Variants in KIAA1328 observed in about 807,000 individuals in gnomAD.
The protein encoded by KIAA1328 is KIAA1328, also known as protein hinderin.
A neutral mutation model predicts 68.1 loss-of-function variants in KIAA1328; 52 were observed. That is an observed-to-expected ratio of 0.76 (90% CI 0.61 to 0.96). The LOEUF (loss-of-function observed/expected upper bound fraction) is 0.96. Among genes scored for constraint, KIAA1328 ranks in the 40% least tolerant of loss-of-function variants. The probability of loss-of-function intolerance (pLI) is 0.00; values close to 1 mark genes in which losing one functional copy is unlikely to be tolerated. For synonymous variants in KIAA1328, 232 were observed against 239.4 expected, an observed-to-expected ratio of 0.97 and a Z score of 0.28; for missense variants, 641 against 677.6, an observed-to-expected ratio of 0.95 and a Z score of 0.60.
intron 6 of KIAA1328, among the ~76,000 whole-genome samples, chr18:36,969,181 A>G (rs1424409626): frequency 3.3e-5 from 5 of 152,226 alleles, no homozygotes; most frequent in Non-Finnish European, 4.4e-5. Context: ...CCACATAAAA[A>G]GTTAGAAAGA....
At chr18:36,872,293 T>A (rs2047973266) in intron 4 of KIAA1328, among the ~76,000 whole-genome samples, 1 of 151,982 alleles carries the variant, frequency 6.6e-6, no homozygotes, top group Non-Finnish European at 1.5e-5. Flanking sequence ...ATGAGTCTGA[T>A]TAGCACAGGC....
chr18:37,157,737 G>T (rs2059183295), intron 7 of KIAA1328, among the ~76,000 whole-genome samples: 1 of 150,556 alleles, frequency 6.6e-6, no homozygotes. Context: ...TGACCTGGAA[G>T]GTGGAGGTTG....
At chr18:36,997,532 G>A (rs2053437344) in intron 6 of KIAA1328, among the ~76,000 whole-genome samples, 1 of 152,252 alleles carries the variant, frequency 6.6e-6, no homozygotes, top group African/African-American at 2.4e-5. Flanking sequence ...AGTAAACCAT[G>A]GGTTGGGACT....
intron 7 of KIAA1328, among the ~76,000 whole-genome samples, chr18:37,097,977 A>T (rs1476931901): frequency 1.3e-5 from 2 of 152,114 alleles, no homozygotes; most frequent in Non-Finnish European, 2.9e-5. Flanking sequence ...TTTTGGGCTG[A>T]GACAGTGGGG....
chr18:36,985,058 T>A lies in KIAA1328; in HGVS notation c.576+25623T>A, dbSNP rs374696984. Among the ~76,000 whole-genome samples the A allele has an allele frequency of 8.5e-5, 13 of 152,146 alleles. No homozygotes were observed. In the East Asian group the frequency reaches 1.9e-3, roughly 23 times the overall value. On this transcript the variant is annotated intron_variant, in intron 6 of 9. Transcript: ENST00000280020. ...TGGCTCACACCTAAAATTCAAGCAT[T>A]TGGGAGGCCAAGGCAGGAGGATTAC... is the stretch of plus-strand genomic sequence containing the variant.
chr18:36,955,912 G>A (rs947039079), intron 5 of KIAA1328: 2 of 152,278 alleles, frequency 1.3e-5, no homozygotes, highest in African/African-American at 4.8e-5. Flanking sequence ...AAGTGGTGGG[G>A]GTGAACTCTG....
chr18:37,043,394 T>G (rs371620395), intron 6 of KIAA1328, among the ~76,000 whole-genome samples: 6 of 152,212 alleles, frequency 3.9e-5, no homozygotes, highest in African/African-American at 1.4e-4. Context: ...TGATTCTTTC[T>G]CTCGAAAGTT....
intron 7 of KIAA1328, among the ~76,000 whole-genome samples, chr18:37,092,184 C>T (rs141668628): frequency 1.4e-3 from 209 of 152,094 alleles, no homozygotes; most frequent in African/African-American, 4.8e-3. Context: ...TCTTTAGGGG[C>T]CCGGGGATTA....
At chr18:37,139,914 A>G (rs911176329) in intron 7 of KIAA1328, among the ~76,000 whole-genome samples, 1 of 152,160 alleles carries the variant, frequency 6.6e-6, no homozygotes, top group Non-Finnish European at 1.5e-5. Flanking sequence ...AGCTCATTTT[A>G]CTGAGCCATT....
chr18:36,943,991 G>T (rs2050803215), intron 5 of KIAA1328, among the ~76,000 whole-genome samples: 1 of 152,100 alleles, frequency 6.6e-6, no homozygotes, highest in South Asian at 2.1e-4. Context: ...AACAGTAGTA[G>T]GACGATAAAC....
chr18:37,217,649 G>A (rs1453806443), intron 9 of KIAA1328, among the ~76,000 whole-genome samples: 2 of 151,998 alleles, frequency 1.3e-5, no homozygotes, highest in Non-Finnish European at 2.9e-5. Flanking sequence ...ATGTGTCTTG[G>A]GGTTGCTCTT....
intron 6 of KIAA1328, among the ~76,000 whole-genome samples, chr18:36,984,904 C>CAAAAA: frequency 1.2e-5 from 1 of 80,706 alleles, no homozygotes; most frequent in Non-Finnish European, 2.4e-5. Context: ...GACTCCATCT[C>CAAAAA]AAAAAAAAAA....
At chr18:36,941,644 A>T (rs1352365707) in intron 5 of KIAA1328, among the ~76,000 whole-genome samples, 1 of 152,216 alleles carries the variant, frequency 6.6e-6, no homozygotes, top group Non-Finnish European at 1.5e-5. Flanking sequence ...TAAATGAGAT[A>T]GAAAAAGTCA....
intron 4 of KIAA1328, among the ~76,000 whole-genome samples, chr18:36,884,799 A>T (rs964193125): frequency 2.6e-5 from 4 of 152,198 alleles, no homozygotes; most frequent in Admixed American, 6.5e-5. Flanking sequence ...TTGTCCCAAT[A>T]TATACTTCAG....
At chr18:36,916,462 T>G (rs2151091009) in intron 5 of KIAA1328, among the ~76,000 whole-genome samples, 1 of 152,214 alleles carries the variant, frequency 6.6e-6, no homozygotes, top group South Asian at 2.1e-4. Flanking sequence ...TCTGTTCAGA[T>G]TTTCTTCATC....
intron 6 of KIAA1328, among the ~76,000 whole-genome samples, chr18:37,001,361 A>G (rs2053580357): frequency 6.6e-6 from 1 of 152,130 alleles, no homozygotes; most frequent in African/African-American, 2.4e-5. Context: ...AATGTTGAGC[A>G]AGATTGAGTC....
intron 5 of KIAA1328, among the ~76,000 whole-genome samples, chr18:36,940,418 G>T (rs932768042): frequency 5.3e-5 from 8 of 152,124 alleles, no homozygotes; most frequent in Admixed American, 4.6e-4. Context: ...ATGGCAGGTT[G>T]ATTATATAGA....
chr18:36,887,127 T>G (rs1210836642), intron 5 of KIAA1328, among the ~76,000 whole-genome samples: 1 of 151,750 alleles, frequency 6.6e-6, no homozygotes, highest in Non-Finnish European at 1.5e-5. Context: ...TTTTTTTTTT[T>G]TGGCCCACTT....
At chr18:37,121,666 C>A (rs548804532) in intron 7 of KIAA1328, among the ~76,000 whole-genome samples, 1 of 152,166 alleles carries the variant, frequency 6.6e-6, no homozygotes, top group East Asian at 1.9e-4. Context: ...ACATCAAAAG[C>A]TAGCTTTCCT....
Sources: allele counts gnomAD v4.1 joint callset (sites outside exome capture counted in the v4.1 genomes callset), GRCh38; gene constraint gnomAD v4.1.1; transcripts MANE v1.5; gene names NCBI Gene and HGNC (gene_info 2026-07-23, HGNC 2026-07-21).